The following ASAP1 variants were observed in gnomAD, a reference collection of about 807,000 sequenced individuals.
ASAP1 encodes the protein arf-GAP with SH3 domain, ANK repeat and PH domain-containing protein 1.
In ASAP1, 43 loss-of-function variants were observed where a neutral mutation model predicts 145.2. That is an observed-to-expected ratio of 0.30 (90% CI 0.23 to 0.38). The LOEUF (loss-of-function observed/expected upper bound fraction) is 0.38. ASAP1 is among the 10% of genes least tolerant of loss of function. The pLI, the probability that ASAP1 is intolerant of heterozygous loss-of-function variation, is 1.00. For missense variants in ASAP1, 1,018 were observed against 1,355.3 expected, an observed-to-expected ratio of 0.75 and a Z score of 3.91; for synonymous variants, 546 against 515.5, an observed-to-expected ratio of 1.06 and a Z score of -0.80.
chr8:130,193,909 C>T (rs1262569874), intron 5 of ASAP1, among the ~76,000 whole-genome samples: 1 of 152,142 alleles, frequency 6.6e-6, no homozygotes, highest in African/African-American at 2.4e-5. Flanking sequence ...AGGCTGGTTT[C>T]CAACTCCTGG....
At chr8:130,160,482 C>T (rs1395068044) in intron 11 of ASAP1, among the ~76,000 whole-genome samples, 1 of 152,154 alleles carries the variant, frequency 6.6e-6, no homozygotes, top group African/African-American at 2.4e-5. Flanking sequence ...GTAATTAGTG[C>T]TCTGTAAAAT....
intron 3 of ASAP1, among the ~76,000 whole-genome samples, chr8:130,257,142 G>A (rs1249669339): frequency 1.3e-5 from 2 of 152,176 alleles, no homozygotes; most frequent in East Asian, 3.9e-4. Context: ...TTTGGAGCCT[G>A]TGTGGGCCCA....
intron 8 of ASAP1, among the ~76,000 whole-genome samples, chr8:130,180,548 G>A (rs1373006311): frequency 6.6e-6 from 1 of 152,106 alleles, no homozygotes; most frequent in Non-Finnish European, 1.5e-5. Flanking sequence ...AGCCCCATAG[G>A]GCCAAGGCTC....
At chr8:130,106,123 C>T (rs535154572) in intron 24 of ASAP1, among the ~76,000 whole-genome samples, 5 of 152,088 alleles carry the variant, frequency 3.3e-5, no homozygotes, top group Admixed American at 1.3e-4. Context: ...AGGTGATTCA[C>T]GTGCAATGCC....
chr8:130,077,667 A>ATT (rs1424424892), intron 26 of ASAP1, among the ~76,000 whole-genome samples: 1 of 149,008 alleles, frequency 6.7e-6, no homozygotes, highest in East Asian at 2.0e-4. Context: ...TGCCTCAGCT[A>ATT]ACTGCATTTA....
At chr8:130,110,019 C>T (rs2097544130) in intron 24 of ASAP1, among the ~76,000 whole-genome samples, 1 of 152,106 alleles carries the variant, frequency 6.6e-6, no homozygotes, top group Non-Finnish European at 1.5e-5. Context: ...TTGCTGTGGC[C>T]AAGTCTCAAA....
intron 24 of ASAP1, among the ~76,000 whole-genome samples, chr8:130,100,755 G>A (rs2097527389): frequency 6.6e-6 from 1 of 152,180 alleles, no homozygotes; most frequent in African/African-American, 2.4e-5. Flanking sequence ...CTTGTAAGAT[G>A]AATAGTTTGC....
chr8:130,368,288 TGGG>T (rs1297757616), intron 2 of ASAP1, among the ~76,000 whole-genome samples: 1 of 152,208 alleles, frequency 6.6e-6, no homozygotes, highest in Non-Finnish European at 1.5e-5. Flanking sequence ...TTCAATATCA[TGGG>T]GGGTTTTGTG....
chr8:130,443,008 G>A (rs1178746987), intron 1 of ASAP1, among the ~76,000 whole-genome samples: 3 of 152,154 alleles, frequency 2.0e-5, no homozygotes, highest in African/African-American at 2.4e-5. Flanking sequence ...AGCAGCGCCG[G>A]GTCCGGGTAG....
chr8:130,118,057 C>A (rs1420948021), intron 20 of ASAP1, 104 bp downstream of exon 20: 1 of 912,744 alleles, frequency 1.1e-6, no homozygotes, highest in East Asian at 2.6e-5. Context: ...TAGCATGACA[C>A]AGAAAAAGCT....
intron 3 of ASAP1, among the ~76,000 whole-genome samples, chr8:130,273,159 T>C (rs1005816676): frequency 6.6e-6 from 1 of 152,188 alleles, no homozygotes; most frequent in Admixed American, 6.6e-5. Context: ...GGGGCTAATC[T>C]AATGGAGAAA....
intron 25 of ASAP1, among the ~76,000 whole-genome samples, chr8:130,089,509 G>A (rs556343985): frequency 3.3e-4 from 50 of 152,294 alleles, no homozygotes; most frequent in African/African-American, 1.2e-3. Flanking sequence ...GGAAAGGTGC[G>A]TCCACAGACG....
chr8:130,311,983 T>C (rs1371378852), intron 3 of ASAP1, among the ~76,000 whole-genome samples: 1 of 152,118 alleles, frequency 6.6e-6, no homozygotes, highest in Admixed American at 6.5e-5. Context: ...GCCTAGAACA[T>C]GTAGGTGCAA....
chr8:130,173,932 T>A (rs867795888), intron 9 of ASAP1, among the ~76,000 whole-genome samples: 2 of 149,274 alleles, frequency 1.3e-5, no homozygotes, highest in Non-Finnish European at 3.0e-5. Flanking sequence ...AAAAAAAAAA[T>A]TAGCTTGGCG....
chr8:130,148,233 C>T (rs1197062590), intron 13 of ASAP1, among the ~76,000 whole-genome samples: 2 of 152,108 alleles, frequency 1.3e-5, no homozygotes, highest in Admixed American at 1.3e-4. Context: ...AAAAAAAACC[C>T]TATGATACAG....
chr8:130,336,842 A>G (rs1450036447), intron 3 of ASAP1, among the ~76,000 whole-genome samples: 1 of 152,250 alleles, frequency 6.6e-6, no homozygotes, highest in Non-Finnish European at 1.5e-5. Context: ...TAAACTCCCA[A>G]TGAAACCACC....
chr8:130,152,617 A>G (rs1311210699), intron 13 of ASAP1, 119 bp downstream of exon 13: 5 of 574,916 alleles, frequency 8.7e-6, no homozygotes, highest in Non-Finnish European at 5.8e-6. Context: ...TGGTAAAGGA[A>G]TATCTAAAAT....
At chr8:130,392,907 G>A (rs1828350475) in intron 2 of ASAP1, among the ~76,000 whole-genome samples, 1 of 152,106 alleles carries the variant, frequency 6.6e-6, no homozygotes, top group African/African-American at 2.4e-5. Flanking sequence ...TTTCCCATCA[G>A]GCCCCACCTT....
chr8:130,071,086 T>A (rs1163337312), intron 27 of ASAP1, among the ~76,000 whole-genome samples: 4 of 145,486 alleles, frequency 2.7e-5, no homozygotes, highest in Non-Finnish European at 6.0e-5. Flanking sequence ...AAAAAAAGTA[T>A]TTTTTCTCCC....
Sources: gnomAD v4.1 joint callset for allele counts (sites outside exome capture counted in the v4.1 genomes callset) on GRCh38, gnomAD v4.1.1 for gene constraint, MANE v1.5 for transcripts, NCBI Gene and HGNC (gene_info 2026-07-23, HGNC 2026-07-21) for gene names.